ARCN1: variants seen among roughly 807,000 people sequenced by gnomAD.
The protein encoded by ARCN1 is archain 1 coat protein complex I subunit delta.
ARCN1 carries 5 observed loss-of-function variants against 60.4 expected under a neutral mutation model. The ratio of observed to expected loss-of-function variants is 0.08; its 90% CI spans 0.04 to 0.17. The LOEUF (loss-of-function observed/expected upper bound fraction) is 0.17, where lower values mean the gene tolerates loss of function less well. Ranked by LOEUF, ARCN1 falls within the 10% of genes least tolerant of loss-of-function variation. ARCN1 has a pLI of 1.00. For missense variants in ARCN1, 464 were observed against 626.5 expected, an observed-to-expected ratio of 0.74 and a Z score of 2.77; for synonymous variants, 224 against 220.0, an observed-to-expected ratio of 1.02 and a Z score of -0.16.
intron 8 of ARCN1, among the ~76,000 whole-genome samples, chr11:118,596,942 G>T (rs1348320372): frequency 6.6e-6 from 1 of 152,328 alleles, no homozygotes; most frequent in East Asian, 1.9e-4. Context: ...GGGTGCGGTG[G>T]CTCATGCCTG....
chr11:118,599,908 C>T (rs1939113256), intron 9 of ARCN1, among the ~76,000 whole-genome samples: 1 of 152,146 alleles, frequency 6.6e-6, no homozygotes, highest in Non-Finnish European at 1.5e-5. Flanking sequence ...GAGCAGTTCT[C>T]TCTCCCTATC....
chr11:118,597,205 C>T (rs1447957892), intron 8 of ARCN1, among the ~76,000 whole-genome samples: 3 of 152,094 alleles, frequency 2.0e-5, no homozygotes, highest in African/African-American at 7.2e-5. Context: ...GACTCTGTCT[C>T]AAAAAACAAA....
At chr11:118,578,502 CAT>C (rs1938575182) in intron 1 of ARCN1, among the ~76,000 whole-genome samples, 1 of 152,252 alleles carries the variant, frequency 6.6e-6, no homozygotes, top group Non-Finnish European at 1.5e-5. Flanking sequence ...AAAATTCTAA[CAT>C]AGAGGACCAT....
intron 2 of ARCN1, 27 bp from the exon 3 acceptor site, chr11:118,583,152 T>C (rs1938698557): frequency 6.2e-7 from 1 of 1,610,188 alleles, no homozygotes; most frequent in African/African-American, 1.3e-5. Context: ...TTCTAAATCT[T>C]TCTTTTTTAT....
chr11:118,600,633 A>T lies in ARCN1; in HGVS notation c.1455A>T (p.Lys485Asn). 6.2e-7 allele frequency: 1 copy of T among 1,609,886 alleles called. No homozygotes were observed. Among genetic ancestry groups the T allele is most frequent in the East Asian group, 2.2e-5 (1 of 44,650 alleles). The change falls in exon 10 of 10, where the codon AAA becomes AAT. Residue 485 changes from lysine (K) to asparagine (N), a missense_variant. Physicochemically the swap from Lys to Asn is moderately conservative, Grantham distance 94. Transcript: ENST00000264028. ...KKNYCNIQVTKVTQVDGNSPV... is the reference protein window; with the variant it reads ...KKNYCNIQVTNVTQVDGNSPV... Reference sequence around the variant, plus strand: ...TTTGTTTATTTTCCTAGGTTACCAAAGTGACCCAGGTAGATGGAAACAGCC... The same window carrying T: ...TTTGTTTATTTTCCTAGGTTACCAATGTGACCCAGGTAGATGGAAACAGCC...
intron 3 of ARCN1, 34 bp downstream of exon 3, chr11:118,583,392 T>C (rs1591384574): frequency 1.3e-6 from 2 of 1,566,466 alleles, no homozygotes; most frequent in Non-Finnish European, 1.7e-6. Context: ...TACCTGTTTG[T>C]ATGTCTTTCT....
intron 1 of ARCN1, among the ~76,000 whole-genome samples, chr11:118,575,527 C>T (rs1046635421): frequency 6.6e-6 from 1 of 151,870 alleles, no homozygotes; most frequent in Non-Finnish European, 1.5e-5. Context: ...TTTTAGGTTT[C>T]GTATGTGGTC....
chr11:118,599,175 C>T (rs1468271817), intron 9 of ARCN1, among the ~76,000 whole-genome samples: 6 of 151,916 alleles, frequency 3.9e-5, no homozygotes, highest in Admixed American at 3.3e-4. Context: ...TCACTGCAAC[C>T]TCTGCCTCCC....
intron 1 of ARCN1, among the ~76,000 whole-genome samples, chr11:118,579,922 A>C (rs1938614068): frequency 6.6e-6 from 1 of 152,164 alleles, no homozygotes; most frequent in Non-Finnish European, 1.5e-5. Flanking sequence ...TGTGTGATAT[A>C]TTGGCAGTTT....
chr11:118,573,194 C>T (rs1247276283), intron 1 of ARCN1, among the ~76,000 whole-genome samples: 2 of 152,134 alleles, frequency 1.3e-5, no homozygotes, highest in Non-Finnish European at 2.9e-5. Flanking sequence ...ACTCGGGGTA[C>T]ATACACTGTG....
chr11:118,590,579 C>A, intron 6 of ARCN1, 73 bp downstream of exon 6: 1 of 1,458,700 alleles, frequency 6.9e-7, no homozygotes, highest in Non-Finnish European at 9.4e-7. Context: ...CTAGAGTTCC[C>A]AATATGAACC....
intron 2 of ARCN1, 72 bp downstream of exon 2, chr11:118,581,581 A>C (rs549252303): frequency 6.6e-7 from 1 of 1,506,684 alleles, no homozygotes; most frequent in Non-Finnish European, 8.9e-7. Flanking sequence ...TTTTCCTCCA[A>C]AGCAGCTGAT....
chr11:118,575,138 C>T (rs1938460527), intron 1 of ARCN1, among the ~76,000 whole-genome samples: 1 of 152,084 alleles, frequency 6.6e-6, no homozygotes, highest in African/African-American at 2.4e-5. Flanking sequence ...GCCACCACGC[C>T]CAACTACTTT....
chr11:118,589,257 A>C (rs1209655805), intron 5 of ARCN1, among the ~76,000 whole-genome samples: 1 of 152,222 alleles, frequency 6.6e-6, no homozygotes, highest in Non-Finnish European at 1.5e-5. Flanking sequence ...TGCAAATTAT[A>C]AAACAAATGA....
chr11:118,587,017 G>T (rs2135546165), intron 5 of ARCN1, among the ~76,000 whole-genome samples: 1 of 152,220 alleles, frequency 6.6e-6, no homozygotes, highest in Non-Finnish European at 1.5e-5. Context: ...TTATGGTCTT[G>T]ACTCTGATGC....
intron 5 of ARCN1, among the ~76,000 whole-genome samples, chr11:118,587,515 T>C (rs375814791): frequency 6.6e-6 from 1 of 152,202 alleles, no homozygotes; most frequent in African/African-American, 2.4e-5. Flanking sequence ...CGCAATACCT[T>C]ACCCTAGACT....
intron 8 of ARCN1, among the ~76,000 whole-genome samples, chr11:118,596,323 A>G (rs1939024603): frequency 6.6e-6 from 1 of 152,178 alleles, no homozygotes; most frequent in East Asian, 1.9e-4. Context: ...GTCAAGATTT[A>G]GTTTACTAGA....
chr11:118,572,722 C>T, intron 1 of ARCN1, 172 bp downstream of exon 1: 1 of 677,006 alleles, frequency 1.5e-6, no homozygotes, highest in Non-Finnish European at 2.4e-6. Context: ...TCCTGGAGAT[C>T]CGATGGAGCT....
intron 3 of ARCN1, 140 bp downstream of exon 3, chr11:118,583,498 A>G (rs1415416100): frequency 3.7e-6 from 4 of 1,082,758 alleles, no homozygotes; most frequent in Non-Finnish European, 5.1e-6. Context: ...TCATGTCTGT[A>G]ATCTCAGCAC....
Sources: allele counts gnomAD v4.1 joint callset (sites outside exome capture counted in the v4.1 genomes callset), GRCh38; gene constraint gnomAD v4.1.1; transcripts MANE v1.5; gene names NCBI Gene and HGNC (gene_info 2026-07-23, HGNC 2026-07-21).